The following VPS13B variants were observed in gnomAD, a reference collection of about 807,000 sequenced individuals.
VPS13B encodes intermembrane lipid transfer protein VPS13B.
VPS13B carries 285 observed loss-of-function variants against 426.4 expected under a neutral mutation model. The observed-to-expected ratio is 0.67, with a 90% CI of 0.61 to 0.74. The LOEUF (loss-of-function observed/expected upper bound fraction) is 0.74. VPS13B is among the 30% of genes least tolerant of loss of function. VPS13B has a pLI of 0.00. For synonymous variants in VPS13B, 1,676 were observed against 1,676.4 expected (o/e 1.00, Z 0.01); for missense variants, 4,537 against 4,782.6 (o/e 0.95, Z 1.51).
At chr8:99,193,780 C>T (rs1264954387) in intron 17 of VPS13B, among the ~76,000 whole-genome samples, 2 of 152,112 alleles carry the variant, frequency 1.3e-5, no homozygotes, top group African/African-American at 4.8e-5. Context: ...TCAGACCTGA[C>T]ATCATAATTA....
At chr8:99,632,865 G>A (rs1335698145) in intron 33 of VPS13B, among the ~76,000 whole-genome samples, 1 of 151,900 alleles carries the variant, frequency 6.6e-6, no homozygotes. Context: ...CATTCTGTTG[G>A]GTCTTGATGG....
chr8:99,580,531 A>G (rs1480691591), intron 33 of VPS13B, among the ~76,000 whole-genome samples: 36 of 151,726 alleles, frequency 2.4e-4, no homozygotes, highest in Admixed American at 2.4e-3. Flanking sequence ...ACATTTTCAG[A>G]CAACCTTTGG....
chr8:99,081,814 G>T (rs1845481214), intron 3 of VPS13B, among the ~76,000 whole-genome samples: 1 of 151,978 alleles, frequency 6.6e-6, no homozygotes, highest in Non-Finnish European at 1.5e-5. Flanking sequence ...TGGCTGCATA[G>T]TATTCCATCG....
intron 21 of VPS13B, among the ~76,000 whole-genome samples, chr8:99,428,683 G>A (rs1157516445): frequency 6.6e-6 from 1 of 152,130 alleles, no homozygotes; most frequent in Non-Finnish European, 1.5e-5. Context: ...ACTGTTGGTG[G>A]GAGTGTAAAC....
intron 17 of VPS13B, among the ~76,000 whole-genome samples, chr8:99,214,643 A>G (rs148739601): frequency 6.6e-6 from 1 of 152,286 alleles, no homozygotes; most frequent in Non-Finnish European, 1.5e-5. Flanking sequence ...TACCCATAGT[A>G]CCAAATACCA....
intron 2 of VPS13B, among the ~76,000 whole-genome samples, chr8:99,033,725 A>G (rs1842619616): frequency 1.3e-5 from 2 of 151,954 alleles, no homozygotes; most frequent in Admixed American, 1.3e-4. Context: ...GTGAAACCGC[A>G]TCTCTACTAA....
intron 58 of VPS13B, among the ~76,000 whole-genome samples, chr8:99,865,673 T>C (rs1266729484): frequency 6.6e-6 from 1 of 152,222 alleles, no homozygotes; most frequent in Non-Finnish European, 1.5e-5. Context: ...TTTGCTCGTC[T>C]GTTCTGGTCA....
intron 31 of VPS13B, among the ~76,000 whole-genome samples, chr8:99,568,276 CTATTATTAT>C (rs745860921): frequency 4.3e-5 from 5 of 117,026 alleles, no homozygotes; most frequent in African/African-American, 5.6e-5. Flanking sequence ...ATACCGATAA[CTATTATTAT>C]TATTATTATT....
chr8:99,508,711 A>G (rs952399351), intron 28 of VPS13B, among the ~76,000 whole-genome samples: 2 of 152,108 alleles, frequency 1.3e-5, no homozygotes, highest in African/African-American at 4.8e-5. Context: ...CCGTAAATTT[A>G]TCGTTAATGT....
At chr8:99,417,040 T>C (rs1010342326) in intron 21 of VPS13B, among the ~76,000 whole-genome samples, 18 of 152,196 alleles carry the variant, frequency 1.2e-4, no homozygotes. Flanking sequence ...ATGTGGTAAA[T>C]GGACATTTAA....
intron 3 of VPS13B, among the ~76,000 whole-genome samples, chr8:99,069,602 T>G (rs2132329370): frequency 6.6e-6 from 1 of 152,374 alleles, no homozygotes; most frequent in East Asian, 1.9e-4. Context: ...CACAGATATT[T>G]ACATGTCTAG....
At chr8:99,395,045 C>T (rs1304079784) in intron 21 of VPS13B, among the ~76,000 whole-genome samples, 1 of 152,108 alleles carries the variant, frequency 6.6e-6, no homozygotes, top group Admixed American at 6.5e-5. Context: ...GGACAATAGG[C>T]AGTGCAGGAG....
At chr8:99,774,776 C>A (rs976910460) in intron 40 of VPS13B, among the ~76,000 whole-genome samples, 2 of 152,138 alleles carry the variant, frequency 1.3e-5, no homozygotes, top group Admixed American at 6.5e-5. Flanking sequence ...TTTTATCTTG[C>A]CAATGAAATC....
intron 35 of VPS13B, among the ~76,000 whole-genome samples, chr8:99,668,680 C>G (rs1393195616): frequency 1.3e-5 from 2 of 152,042 alleles, no homozygotes; most frequent in Non-Finnish European, 2.9e-5. Flanking sequence ...CCACCTTTTC[C>G]CCTTGTACCC....
chr8:99,291,751 GTGATAAAGGATTGCACATGAGT>G (rs1378325076), intron 19 of VPS13B, among the ~76,000 whole-genome samples: 2 of 152,134 alleles, frequency 1.3e-5, no homozygotes, highest in Non-Finnish European at 2.9e-5. Context: ...TAAGCCTTGA[GTGATAAAGGATTGCACATGAGT>G]GGAAAATTCT....
chr8:99,275,029 C>G, intron 18 of VPS13B, 52 bp from the exon 19 acceptor site: 1 of 1,452,442 alleles, frequency 6.9e-7, no homozygotes, highest in Non-Finnish European at 9.3e-7. Context: ...CAAACATTCT[C>G]AAGTGACTCA....
intron 2 of VPS13B, among the ~76,000 whole-genome samples, chr8:99,029,226 G>T (rs1446459970): frequency 1.3e-5 from 2 of 149,558 alleles, no homozygotes; most frequent in Non-Finnish European, 1.5e-5. Context: ...GGATGGCGGC[G>T]GGGAAGAGGC....
At chr8:99,412,919 A>G (rs563693445) in intron 21 of VPS13B, among the ~76,000 whole-genome samples, 1 of 152,310 alleles carries the variant, frequency 6.6e-6, no homozygotes, top group African/African-American at 2.4e-5. Flanking sequence ...CAACTTGACC[A>G]TGGTGTATAA....
In VPS13B at chr8:99,081,613, G is replaced by A. The variant is rs1476218449; in HGVS notation, c.292-14699G>A. Among the ~76,000 whole-genome samples, 14 of 110,360 alleles carry A rather than the reference G, an allele frequency of 1.3e-4. No individual in the cohort carries two copies. The Admixed American group carries it at 1.6e-3, about 13-fold the overall frequency. 72.4% of individuals were successfully genotyped at this position (110,360 alleles called of 152,430 possible). On this transcript the variant is annotated intron_variant, in intron 3 of 61. Transcript: ENST00000357162. ...ACAACAGGCCCCCACCCCACAACAG[G>A]CCCCCACCCCACAACAGGCCCCGGT...
Sources: gnomAD v4.1 joint callset for allele counts (sites outside exome capture counted in the v4.1 genomes callset) on GRCh38, gnomAD v4.1.1 for gene constraint, MANE v1.5 for transcripts, NCBI Gene and HGNC (gene_info 2026-07-23, HGNC 2026-07-21) for gene names.